NOP58: variants seen among roughly 807,000 people sequenced by gnomAD.
NOP58 encodes the protein nucleolar protein 58.
NOP58 carries 44 observed loss-of-function variants against 71.2 expected under a neutral mutation model. The observed-to-expected ratio is 0.62, with a 90% confidence interval of 0.49 to 0.79. The LOEUF (loss-of-function observed/expected upper bound fraction) is 0.79, where lower values mean the gene tolerates loss of function less well. Among genes scored for constraint, NOP58 ranks in the 30% least tolerant of loss-of-function variants. NOP58 has a pLI of 0.00. For synonymous variants in NOP58, 228 were observed against 200.3 expected (o/e 1.14, Z -1.17); for missense variants, 538 against 620.2 (o/e 0.87, Z 1.41).
intron 3 of NOP58, among the ~76,000 whole-genome samples, chr2:202,281,982 G>A (rs1688714453): frequency 6.6e-6 from 1 of 152,176 alleles, no homozygotes; most frequent in Admixed American, 6.6e-5. Context: ...TAGTTTTGAT[G>A]TGATTTTAGG....
chr2:202,282,270 T>C (rs1218846510), intron 3 of NOP58, 81 bp from the exon 4 acceptor site: 4 of 1,184,184 alleles, frequency 3.4e-6, no homozygotes, highest in Admixed American at 4.7e-5. Context: ...CCTATTTTAT[T>C]TTTTTAAGTG....
At position 202,303,450 on chromosome 2, in the gene NOP58, C is replaced by G. The variant is rs1054446; in HGVS notation, c.*14C>G. The stretch of plus-strand genomic sequence containing the variant: ...AACGAGGATTAACAGAAAGGAATTA[C>G]GATTATATCACCCGGACACACATCA... On this transcript the variant is annotated 3_prime_UTR_variant, in exon 15 of 15. Transcript: ENST00000264279. 6.2e-7 allele frequency: 1 copy of G among 1,605,298 alleles called. No individual in the cohort carries two copies. The highest frequency in any genetic ancestry group is 2.2e-5 in the East Asian group (1 of 44,738).
intron 8 of NOP58, 93 bp from the exon 9 acceptor site, chr2:202,292,684 C>G (rs925259892): frequency 1.4e-5 from 14 of 992,110 alleles, no homozygotes; most frequent in Middle Eastern, 2.1e-4. Flanking sequence ...TGTAGCTGCT[C>G]TTTCATAATT....
Position 202,303,390 on chromosome 2 carries a change from C to T in NOP58, c.1544C>T (p.Pro515Leu). The change falls in exon 15 of 15, where the codon CCA becomes CTA. Residue 515 changes from proline (P) to leucine (L), a missense_variant. Physicochemically the swap from Pro to Leu is moderately conservative, Grantham distance 98. Coordinates refer to ENST00000264279, the MANE Select transcript of NOP58 (RefSeq NM_015934.5). The part of the protein sequence containing the change: ...EPCTSTAIAS[P>L]EKKKKKKKKR... ...ATTCTTGTTGGCTATTTTCAGAGTC[C>T]AGAGAAAAAGAAGAAAAAGAAAAAA... 1 of 1,609,358 alleles carries T rather than the reference C, an allele frequency of 6.2e-7. No homozygotes were observed. The highest frequency in any genetic ancestry group is 1.1e-5 in the South Asian group (1 of 90,578).
chr2:202,277,749 C>G (rs1319983235), intron 2 of NOP58, among the ~76,000 whole-genome samples: 4 of 152,088 alleles, frequency 2.6e-5, no homozygotes, highest in Non-Finnish European at 5.9e-5. Flanking sequence ...TTTTAATAAT[C>G]CAAGCATTAC....
In NOP58 at chr2:202,292,836, G is replaced by C. The variant is rs1559265571; in HGVS notation, c.840G>C (p.Met280Ile). The C allele has an allele frequency of 6.2e-7, 1 of 1,612,854 alleles. No homozygotes were observed. Among genetic ancestry groups the C allele is most frequent in the East Asian group, 2.2e-5 (1 of 44,872 alleles). The change falls in exon 9 of 15, where the codon ATG (methionine) becomes ATC (isoleucine). Residue 280 changes from methionine (M) to isoleucine (I), a missense_variant. By Grantham distance (10) the Met-to-Ile change is conservative. Coordinates refer to ENST00000264279, the MANE Select transcript of NOP58 (RefSeq NM_015934.5). The stretch of plus-strand genomic sequence containing the variant: ...ATGAATATCTACAAAATCGAATGAT[G>C]GCCATTGCACCCAATGTTACAGTCA... ...QLYEYLQNRM[M>I]AIAPNVTVMV... is the part of the protein sequence containing the mutation.
chr2:202,290,506 T>C (rs1283667355), intron 7 of NOP58, 49 bp downstream of exon 7: 11 of 1,514,396 alleles, frequency 7.3e-6, no homozygotes, highest in Non-Finnish European at 9.0e-6. Flanking sequence ...ATGAATTTGA[T>C]TGCATCCTAA....
At chr2:202,268,975 C>A (rs992821996) in intron 1 of NOP58, among the ~76,000 whole-genome samples, 1 of 151,918 alleles carries the variant, frequency 6.6e-6, no homozygotes, top group Non-Finnish European at 1.5e-5. Flanking sequence ...TGTACACATA[C>A]AAATTCATGT....
rs563303998 is a variant in NOP58 at position 202,290,563 on chromosome 2, C to G, written c.634+106C>G. On this transcript the variant is annotated intron_variant, in intron 7 of 14. Transcript: ENST00000264279. ...TTAAGCAAGATTCCCAGGGTTTTTG[C>G]AATTTCTGTGTATTTGGGAAGTGTA... 71 of 987,552 alleles carry G rather than the reference C, an allele frequency of 7.2e-5. 1 individual carries two copies. In the African/African-American group the frequency reaches 1.1e-3, roughly 15 times the overall value. 61.2% of individuals were successfully genotyped at this position (987,552 alleles called of 1,614,324 possible). A position where few individuals can be genotyped will look rare whatever the true frequency, so the allele number is the denominator to read the frequency against.
chr2:202,285,436 C>T (rs1170065735), intron 5 of NOP58, among the ~76,000 whole-genome samples: 1 of 147,480 alleles, frequency 6.8e-6, no homozygotes, highest in Non-Finnish European at 1.5e-5. Flanking sequence ...GCAACCTGGA[C>T]ATCCTGGACT....
chr2:202,294,812 A>G (rs894445369), intron 9 of NOP58, among the ~76,000 whole-genome samples: 11 of 151,996 alleles, frequency 7.2e-5, no homozygotes, highest in Admixed American at 1.3e-4. Context: ...AAAATACAAA[A>G]AAAAATTAGC....
Position 202,282,359 on chromosome 2 carries a change from G to T in NOP58, c.184G>T (p.Ala62Ser), listed in dbSNP as rs1466287767. Reference protein sequence around the residue: ...DTAEALAAFTALMEGKINKQL... With the variant: ...DTAEALAAFTSLMEGKINKQL... ...TTCTTTTTCTTGAAAAGCATTCACA[G>T]CTCTGATGGAGGGCAAAATCAATAA... The change falls in exon 4 of 15, where the codon GCT becomes TCT. Residue 62 changes from alanine to serine, a missense_variant. Ala to Ser is a moderately conservative substitution (Grantham distance 99, BLOSUM62 1). Coordinates refer to ENST00000264279, the MANE Select transcript of NOP58 (RefSeq NM_015934.5). 4 of 1,609,542 alleles carry T rather than the reference G, an allele frequency of 2.5e-6. No individual in the cohort carries two copies. The highest frequency in any genetic ancestry group is 3.4e-6 in the Non-Finnish European group (4 of 1,179,136).
At chr2:202,298,972 T>TG (rs1214345148) in intron 12 of NOP58, among the ~76,000 whole-genome samples, 1 of 143,838 alleles carries the variant, frequency 7.0e-6, no homozygotes. Context: ...TTTTTTTTTT[T>TG]TTTTTTTTGA....
intron 10 of NOP58, among the ~76,000 whole-genome samples, chr2:202,296,893 C>G (rs1689003290): frequency 6.6e-6 from 1 of 152,088 alleles, no homozygotes; most frequent in East Asian, 1.9e-4. Flanking sequence ...GGCACCACAC[C>G]TGGCTAATTT....
In NOP58 at chr2:202,273,254, G is replaced by A. The variant is rs529935016; in HGVS notation, c.46-1859G>A. The stretch of plus-strand genomic sequence containing the variant: ...GGTCTTCAAAGACTATGTTATGTCA[G>A]CCAAAACCATTACTATGACAAATAA... On this transcript the variant is annotated intron_variant, in intron 1 of 14. Transcript: ENST00000264279. 3.3e-5 allele frequency among the ~76,000 whole-genome samples: 5 copies of A among 152,320 alleles called. No homozygotes were observed. In the South Asian group the frequency reaches 1.0e-3, roughly 32 times the overall value.
chr2:202,279,486 C>T (rs1462952886), intron 3 of NOP58, among the ~76,000 whole-genome samples: 1 of 152,154 alleles, frequency 6.6e-6, no homozygotes, highest in Non-Finnish European at 1.5e-5. Context: ...TACCTAGCTT[C>T]TTTGTATTAT....
intron 1 of NOP58, among the ~76,000 whole-genome samples, chr2:202,272,131 GGTTT>G (rs1410371247): frequency 2.0e-5 from 3 of 150,644 alleles, no homozygotes; most frequent in Non-Finnish European, 4.4e-5. Flanking sequence ...TGATTTTAGG[GGTTT>G]GTTCTGATGT....
chr2:202,270,254 G>A (rs879928395), intron 1 of NOP58, among the ~76,000 whole-genome samples: 1 of 152,192 alleles, frequency 6.6e-6, no homozygotes, highest in Non-Finnish European at 1.5e-5. Flanking sequence ...TTTCATGTAA[G>A]TGGAGTAGTA....
intron 5 of NOP58, among the ~76,000 whole-genome samples, chr2:202,286,893 C>T (rs1160342881): frequency 6.6e-6 from 1 of 152,078 alleles, no homozygotes; most frequent in Non-Finnish European, 1.5e-5. Flanking sequence ...GCCTGTACAA[C>T]AAGGAATTAG....
Sources: gnomAD v4.1 joint callset for allele counts (sites outside exome capture counted in the v4.1 genomes callset) on GRCh38, gnomAD v4.1.1 for gene constraint, MANE v1.5 for transcripts, NCBI Gene and HGNC (gene_info 2026-07-23, HGNC 2026-07-21) for gene names.